ATP9A: variants seen among roughly 807,000 people sequenced by gnomAD.
ATP9A encodes the protein probable phospholipid-transporting ATPase IIA.
Under a neutral mutation model 144.1 loss-of-function variants are expected in ATP9A, and 52 were observed. The observed-to-expected ratio is 0.36, with a 90% CI of 0.29 to 0.45. ATP9A has a LOEUF of 0.45. Ranked by LOEUF, ATP9A falls within the 20% of genes least tolerant of loss-of-function variation. The pLI is 1.00. For synonymous variants in ATP9A, 582 were observed against 557.4 expected, an observed-to-expected ratio of 1.04 and a Z score of -0.62; for missense variants, 947 against 1,392.7, an observed-to-expected ratio of 0.68 and a Z score of 5.09.
Position 51,641,831 on chromosome 20 carries a change from C to CAAAAAA in ATP9A, c.1507-2333_1507-2328dup, listed in dbSNP as rs1218133688. Among the ~76,000 whole-genome samples the CAAAAAA allele has an allele frequency of 1.0e-4, 8 of 79,680 alleles. 2 individuals are homozygous for CAAAAAA. The highest frequency in any genetic ancestry group is 6.5e-4 in the East Asian group (1 of 1,530). 52.3% of individuals were successfully genotyped at this position (79,680 alleles called of 152,430 possible). On this transcript the variant is annotated intron_variant, in intron 14 of 27. Transcript: ENST00000338821. ...GGGCAACAAGAGCGAAACTCCATCT[C>CAAAAAA]AAAAAAAAAAAAAAAAAGATAAAAA...
intron 26 of ATP9A, among the ~76,000 whole-genome samples, chr20:51,607,082 C>A (rs756725713): frequency 2.1e-4 from 32 of 151,650 alleles, no homozygotes; most frequent in Non-Finnish European, 3.8e-4. Flanking sequence ...AAAATAAATA[C>A]AAACAGAAGT....
rs542772634 is a variant in ATP9A at position 51,679,439 on chromosome 20, CCT to C, written c.800-3233_800-3232del. Among the ~76,000 whole-genome samples the C allele has an allele frequency of 7.9e-5, 12 of 152,290 alleles. No individual in the cohort carries two copies. In the South Asian group the frequency reaches 2.3e-3, roughly 29 times the overall value. ...CCCAGGGAGTGCTGAGGAACAACCACCTCTTAGACAGGCACGTGCTCTGAGCT... is the reference window on the plus strand; with the variant it reads ...CCCAGGGAGTGCTGAGGAACAACCACCTTAGACAGGCACGTGCTCTGAGCT... On this transcript the variant is annotated intron_variant, in intron 9 of 27. Coordinates refer to ENST00000338821, the MANE Select transcript of ATP9A (RefSeq NM_006045.3).
chr20:51,716,384 C>A (rs967366672), intron 3 of ATP9A, among the ~76,000 whole-genome samples: 7 of 151,692 alleles, frequency 4.6e-5, no homozygotes, highest in Non-Finnish European at 8.8e-5. Context: ...ATCGCTTGAG[C>A]CCAGGAGTTC....
At chr20:51,697,554 C>T in intron 4 of ATP9A, 72 bp from the exon 5 acceptor site, 1 of 1,441,810 alleles carries the variant, frequency 6.9e-7, no homozygotes, top group Non-Finnish European at 9.6e-7. Context: ...TACAGAGTGC[C>T]CAGCCTGCAA....
At chr20:51,606,038 G>A (rs756283158) in intron 26 of ATP9A, among the ~76,000 whole-genome samples, 10 of 152,228 alleles carry the variant, frequency 6.6e-5, no homozygotes, top group Non-Finnish European at 1.2e-4. Flanking sequence ...GGGAGGCCAA[G>A]GTGGGCGGAT....
intron 9 of ATP9A, among the ~76,000 whole-genome samples, chr20:51,676,762 A>G (rs1269706140): frequency 6.6e-6 from 1 of 151,920 alleles, no homozygotes; most frequent in Admixed American, 6.6e-5. Flanking sequence ...TACAGGCATG[A>G]GCCACCACGC....
intron 15 of ATP9A, among the ~76,000 whole-genome samples, chr20:51,636,429 T>C (rs1364134973): frequency 1.3e-5 from 2 of 152,254 alleles, no homozygotes; most frequent in South Asian, 2.1e-4. Flanking sequence ...ATTGCTGTTT[T>C]AAGCCACTAA....
At chr20:51,722,236 G>A (rs34795583) in intron 3 of ATP9A, among the ~76,000 whole-genome samples, 13,865 of 151,992 alleles carry the variant, frequency 0.091, 791 homozygotes, top group African/African-American at 0.16. Flanking sequence ...AACTATAAAA[G>A]TTCTAGAAGG....
intron 1 of ATP9A, among the ~76,000 whole-genome samples, chr20:51,745,103 G>A (rs950160209): frequency 6.6e-6 from 1 of 151,972 alleles, no homozygotes; most frequent in African/African-American, 2.4e-5. Flanking sequence ...GTGAAACCCT[G>A]CCGTCTCTAC....
At chr20:51,633,657 G>A (rs1162204310) in intron 15 of ATP9A, among the ~76,000 whole-genome samples, 1 of 151,900 alleles carries the variant, frequency 6.6e-6, no homozygotes, top group African/African-American at 2.4e-5. Context: ...GAGGCAGGAG[G>A]ATCCCTTGAG....
chr20:51,665,318 G>A (rs532907553), intron 13 of ATP9A, among the ~76,000 whole-genome samples: 134 of 152,300 alleles, frequency 8.8e-4, no homozygotes, highest in African/African-American at 3.0e-3. Flanking sequence ...AAATTAGACA[G>A]TACCAATGTT....
chr20:51,652,979 G>A (rs955489302), intron 14 of ATP9A, among the ~76,000 whole-genome samples: 2 of 151,864 alleles, frequency 1.3e-5, no homozygotes, highest in South Asian at 4.2e-4. Flanking sequence ...GCGTGGCAGC[G>A]TGTGCCTGTA....
At chr20:51,712,799 T>G (rs2077645189) in intron 4 of ATP9A, among the ~76,000 whole-genome samples, 167 bp downstream of exon 4, 1 of 152,232 alleles carries the variant, frequency 6.6e-6, no homozygotes, top group African/African-American at 2.4e-5. Context: ...CCCGTCAACC[T>G]GTCATCCAGG....
intron 1 of ATP9A, among the ~76,000 whole-genome samples, chr20:51,743,221 C>G (rs1442852001): frequency 6.6e-6 from 1 of 152,110 alleles, no homozygotes; most frequent in Non-Finnish European, 1.5e-5. Flanking sequence ...CCCCAGGGTT[C>G]CAGAGGAGCA....
intron 13 of ATP9A, among the ~76,000 whole-genome samples, chr20:51,659,817 A>G (rs2122773332): frequency 6.6e-6 from 1 of 152,332 alleles, no homozygotes; most frequent in African/African-American, 2.4e-5. Context: ...TAATTAGACA[A>G]TTACTAAATT....
chr20:51,627,579 A>G (rs765110603), intron 17 of ATP9A, 21 bp downstream of exon 17: 1 of 1,610,696 alleles, frequency 6.2e-7, no homozygotes, highest in South Asian at 1.1e-5. Flanking sequence ...AAGGCAATGG[A>G]AAGGTCCCAG....
chr20:51,720,856 G>A (rs139291259), intron 3 of ATP9A, among the ~76,000 whole-genome samples: 202 of 152,128 alleles, frequency 1.3e-3, no homozygotes, highest in African/African-American at 4.1e-3. Flanking sequence ...AACAAAAACC[G>A]TTTCCTGATG....
chr20:51,646,439 G>A (rs144301003), intron 14 of ATP9A, among the ~76,000 whole-genome samples: 101 of 152,288 alleles, frequency 6.6e-4, no homozygotes, highest in African/African-American at 9.1e-4. Flanking sequence ...AAGAGTCACC[G>A]GTCAGCCCTA....
At chr20:51,641,671 A>T (rs1398747968) in intron 14 of ATP9A, among the ~76,000 whole-genome samples, 2 of 149,488 alleles carry the variant, frequency 1.3e-5, no homozygotes, top group Non-Finnish European at 3.0e-5. Flanking sequence ...AAAAATAAAA[A>T]AAATAAAAAA....
Sources: gnomAD v4.1 joint callset for allele counts (sites outside exome capture counted in the v4.1 genomes callset) on GRCh38, gnomAD v4.1.1 for gene constraint, MANE v1.5 for transcripts, NCBI Gene and HGNC (gene_info 2026-07-23, HGNC 2026-07-21) for gene names.